SLC26A4: variants seen among roughly 807,000 people sequenced by gnomAD.
SLC26A4 encodes pendrin.
In SLC26A4, 93 loss-of-function variants were observed where a neutral mutation model predicts 90.4. The ratio of observed to expected loss-of-function variants is 1.03; its 90% confidence interval spans 0.87 to 1.22. The LOEUF (loss-of-function observed/expected upper bound fraction) is 1.22, where lower values mean the gene tolerates loss of function less well. Ranked by LOEUF, SLC26A4 falls within the 50% of genes most tolerant of loss-of-function variation. SLC26A4 has a pLI of 0.00. For synonymous variants in SLC26A4, 393 were observed against 354.6 expected, an observed-to-expected ratio of 1.11 and a Z score of -1.22; for missense variants, 1,127 against 946.2, an observed-to-expected ratio of 1.19 and a Z score of -2.51.
intron 4 of SLC26A4, among the ~76,000 whole-genome samples, chr7:107,673,728 G>A (rs1790936279): frequency 6.6e-6 from 1 of 151,900 alleles, no homozygotes; most frequent in South Asian, 2.1e-4. Context: ...TGCGTTTTTA[G>A]CTTCTTTTTG....
rs2129319908 is a variant in SLC26A4 at position 107,710,084 on chromosome 7, G to T, written c.2120G>T (p.Gly707Val). ...GTGATAGAAAAGCTGGAGCAATGCG[G>T]GTTCTTTGACGACAACATTAGAAAG... is the stretch of plus-strand genomic sequence containing the variant. Reference protein sequence around the residue: ...DYVIEKLEQCGFFDDNIRKDT... With the variant: ...DYVIEKLEQCVFFDDNIRKDT... The change falls in exon 19 of 21, where the codon GGG (glycine) becomes GTG (valine). Residue 707 changes from glycine (G) to valine (V), a missense_variant. By Grantham distance (109) the Gly-to-Val change is moderately radical. Coordinates refer to ENST00000644269, the MANE Select transcript of SLC26A4 (RefSeq NM_000441.2). 1 of 1,612,958 alleles carries T rather than the reference G, an allele frequency of 6.2e-7. No individual in the cohort carries two copies. Among genetic ancestry groups the T allele is most frequent in the Admixed American group, 1.7e-5 (1 of 60,000 alleles).
chr7:107,694,027 C>T (rs898452122), intron 10 of SLC26A4, among the ~76,000 whole-genome samples: 4 of 152,126 alleles, frequency 2.6e-5, no homozygotes, highest in African/African-American at 7.2e-5. Flanking sequence ...ACAATGATCT[C>T]TGTTGTTGGG....
intron 3 of SLC26A4, among the ~76,000 whole-genome samples, chr7:107,664,199 A>G (rs1790649624): frequency 1.3e-5 from 2 of 152,114 alleles, no homozygotes; most frequent in Non-Finnish European, 2.9e-5. Context: ...AAATTATTTT[A>G]TATCCACACG....
At position 107,678,594 on chromosome 7, in the gene SLC26A4, C is replaced by G. The variant is rs577423589; in HGVS notation, c.765+3485C>G. On this transcript the variant is annotated intron_variant, in intron 6 of 20. Coordinates refer to ENST00000644269, the MANE Select transcript of SLC26A4 (RefSeq NM_000441.2). ...TAAACCAAGTGCAGTCATTATGTAA[C>G]TTACTTCCTGTTGAATATTTTTCTT... is the stretch of plus-strand genomic sequence containing the variant. Among the ~76,000 whole-genome samples the G allele has an allele frequency of 2.0e-5, 3 of 152,316 alleles. No individual in the cohort carries two copies. The East Asian group carries it at 5.8e-4, about 29-fold the overall frequency.
chr7:107,698,556 A>AT (rs1331236577), intron 14 of SLC26A4, among the ~76,000 whole-genome samples: 1 of 152,152 alleles, frequency 6.6e-6, no homozygotes, highest in East Asian at 1.9e-4. Context: ...AGCTCAAGTG[A>AT]TTTGCCCGTC....
chr7:107,675,666 C>T (rs1170377055), intron 6 of SLC26A4, among the ~76,000 whole-genome samples: 3 of 151,140 alleles, frequency 2.0e-5, no homozygotes, highest in East Asian at 2.0e-4. Flanking sequence ...CTCCACCTCC[C>T]GGGTTCAAGC....
At chr7:107,692,276 G>T in intron 10 of SLC26A4, among the ~76,000 whole-genome samples, 1 of 152,262 alleles carries the variant, frequency 6.6e-6, no homozygotes, top group East Asian at 1.9e-4. Flanking sequence ...TAAATTCTGG[G>T]GTTAAAAGTC....
chr7:107,666,344 C>T (rs904480479), intron 3 of SLC26A4, among the ~76,000 whole-genome samples: 4 of 152,092 alleles, frequency 2.6e-5, no homozygotes, highest in African/African-American at 7.2e-5. Context: ...ATCTCAGCCT[C>T]GCCAGTAGCT....
chr7:107,666,153 T>C (rs1790706175), intron 3 of SLC26A4, among the ~76,000 whole-genome samples: 1 of 152,180 alleles, frequency 6.6e-6, no homozygotes, highest in South Asian at 2.1e-4. Context: ...GAAAAATAAT[T>C]ATAGATTGCA....
intron 15 of SLC26A4, among the ~76,000 whole-genome samples, chr7:107,700,712 T>A (rs1336073906): frequency 2.0e-5 from 3 of 152,212 alleles, no homozygotes. Flanking sequence ...TGCCTCTAAA[T>A]CAGTGTTTTT....
At chr7:107,713,597 C>T (rs995366459) in intron 20 of SLC26A4, among the ~76,000 whole-genome samples, 7 of 152,194 alleles carry the variant, frequency 4.6e-5, no homozygotes, top group Non-Finnish European at 1.0e-4. Context: ...ACGATGGGGA[C>T]ACAAAACCCT....
At chr7:107,683,963 G>A (rs915330238) in intron 8 of SLC26A4, among the ~76,000 whole-genome samples, 6 of 152,050 alleles carry the variant, frequency 3.9e-5, no homozygotes, top group South Asian at 2.1e-4. Context: ...TTATATCCTC[G>A]TACCCATAAG....
intron 18 of SLC26A4, among the ~76,000 whole-genome samples, chr7:107,706,601 C>A (rs1792042373): frequency 6.6e-6 from 1 of 152,206 alleles, no homozygotes; most frequent in Non-Finnish European, 1.5e-5. Flanking sequence ...CTGGGCCTCC[C>A]AGGAAGGAAC....
At chr7:107,695,406 C>T (rs1444426005) in intron 12 of SLC26A4, among the ~76,000 whole-genome samples, 3 of 152,142 alleles carry the variant, frequency 2.0e-5, no homozygotes, top group African/African-American at 7.2e-5. Flanking sequence ...AATATATTAG[C>T]TATTCAAAAA....
At chr7:107,674,089 T>G in intron 4 of SLC26A4, 75 bp from the exon 5 acceptor site, 2 of 1,418,914 alleles carry the variant, frequency 1.4e-6, no homozygotes, top group Non-Finnish European at 2.0e-6. Context: ...TTTATACATT[T>G]TTTAAACCCT....
At chr7:107,697,177 T>A (rs866617801) in intron 13 of SLC26A4, among the ~76,000 whole-genome samples, 1 of 152,210 alleles carries the variant, frequency 6.6e-6, no homozygotes, top group African/African-American at 2.4e-5. Flanking sequence ...TATGCCTCAG[T>A]GTCTATTTTT....
At chr7:107,693,231 A>T (rs956688073) in intron 10 of SLC26A4, 2 of 921,666 alleles carry the variant, frequency 2.2e-6, no homozygotes, top group African/African-American at 1.8e-5. Context: ...AGGAGAAGGG[A>T]AAGAGCACCA....
chr7:107,680,064 T>C (rs1399219909), intron 6 of SLC26A4, among the ~76,000 whole-genome samples: 3 of 127,800 alleles, frequency 2.3e-5, no homozygotes, highest in Non-Finnish European at 4.6e-5. Flanking sequence ...AATATAATCT[T>C]ATTATATAAT....
intron 3 of SLC26A4, among the ~76,000 whole-genome samples, chr7:107,671,357 G>C (rs1374410860): frequency 6.6e-6 from 1 of 151,998 alleles, no homozygotes; most frequent in Non-Finnish European, 1.5e-5. Flanking sequence ...ATGGAGTCTT[G>C]CTATGTTTTC....
Sources: gnomAD v4.1 joint callset for allele counts (sites outside exome capture counted in the v4.1 genomes callset) on GRCh38, gnomAD v4.1.1 for gene constraint, MANE v1.5 for transcripts, NCBI Gene and HGNC (gene_info 2026-07-23, HGNC 2026-07-21) for gene names.